Variants in NUP88 observed in about 807,000 individuals in gnomAD.
NUP88 encodes nucleoporin 88.
In NUP88, 57 loss-of-function variants were observed where a neutral mutation model predicts 93.9. The ratio of observed to expected loss-of-function variants is 0.61; its 90% CI spans 0.49 to 0.76. The LOEUF is 0.76. NUP88 is among the 30% of genes least tolerant of loss of function. NUP88 has a pLI of 0.00. For synonymous variants in NUP88, 346 were observed against 336.8 expected, an observed-to-expected ratio of 1.03 and a Z score of -0.30; for missense variants, 911 against 901.0, an observed-to-expected ratio of 1.01 and a Z score of -0.14.
chr17:5,408,780 T>C lies in NUP88; in HGVS notation c.810A>G (p.Leu270=). 6.2e-7 allele frequency: 1 copy of C among 1,613,092 alleles called. No individual in the cohort carries two copies. The part of the protein sequence containing the change: ...DEVVAYPLYI[L]YENGETFLTY... ...TCAGGAAAGTCTCTCCATTTTCATATAAGATGTACAGTGGGTATGCCACTA... is the reference window on the plus strand; with the variant it reads ...TCAGGAAAGTCTCTCCATTTTCATACAAGATGTACAGTGGGTATGCCACTA... The change falls in exon 5 of 17, where the codon TTA becomes TTG. Residue 270 remains leucine, a synonymous_variant. Coordinates refer to ENST00000573584, the MANE Select transcript of NUP88 (RefSeq NM_002532.6).
chr17:5,409,680 G>A (rs1364496273), intron 4 of NUP88, among the ~76,000 whole-genome samples: 6 of 152,114 alleles, frequency 3.9e-5, no homozygotes, highest in Non-Finnish European at 8.8e-5. Flanking sequence ...GCCCTCTAGA[G>A]AGAGAAATAC....
chr17:5,389,531 A>C (rs1912273358), intron 10 of NUP88, among the ~76,000 whole-genome samples: 1 of 152,142 alleles, frequency 6.6e-6, no homozygotes. Flanking sequence ...TAATCCCAGC[A>C]CTTTGGGAGG....
At chr17:5,399,252 G>T (rs1410667798) in intron 8 of NUP88, among the ~76,000 whole-genome samples, 4 of 136,620 alleles carry the variant, frequency 2.9e-5, no homozygotes, top group African/African-American at 1.1e-4. Flanking sequence ...AGTTTTGGTA[G>T]TTTTTTTTTT....
At chr17:5,419,208 G>C in intron 1 of NUP88, 146 bp downstream of exon 1, 2 of 879,516 alleles carry the variant, frequency 2.3e-6, no homozygotes, top group Non-Finnish European at 3.2e-6. Flanking sequence ...GAGAGAGCCT[G>C]AGTCCCCGCG....
At chr17:5,419,033 G>GA (rs750819079) in intron 1 of NUP88, among the ~76,000 whole-genome samples, 5 of 152,290 alleles carry the variant, frequency 3.3e-5, no homozygotes, top group Non-Finnish European at 7.4e-5. Flanking sequence ...GTCACATCAG[G>GA]AAACAGGTTT....
intron 5 of NUP88, among the ~76,000 whole-genome samples, chr17:5,405,470 T>A (rs1485227165): frequency 6.6e-6 from 1 of 152,198 alleles, no homozygotes; most frequent in Non-Finnish European, 1.5e-5. Context: ...TGAAGACATT[T>A]TGGCTTGTCA....
Position 5,405,057 on chromosome 17 carries a change from C to T in NUP88, c.1044G>A (p.Thr348=), listed in dbSNP as rs2301739. Residue 348 remains threonine (T), a splice_region_variant and synonymous_variant, in exon 6 of 17, where the codon ACG becomes ACA. Coordinates refer to ENST00000573584, the MANE Select transcript of NUP88 (RefSeq NM_002532.6). ...VLEGEEEDDH[T]SEKSWDSRID... is the part of the protein sequence containing the mutation. ...AACAACCACAGCAGCCTGCACTTAC[C>T]GTGTGGTCATCTTCTTCTTCCCCTT... 0.21 allele frequency: 338,593 copies of T among 1,612,022 alleles called. 42,165 individuals are homozygous for T. Among genetic ancestry groups the T allele is most frequent in the East Asian group, 0.57 (25,445 of 44,834 alleles).
intron 8 of NUP88, among the ~76,000 whole-genome samples, chr17:5,398,754 A>G (rs1912948253): frequency 6.6e-6 from 1 of 151,268 alleles, no homozygotes; most frequent in African/African-American, 2.4e-5. Context: ...ACACCCAGCT[A>G]ATTTTTGTAT....
chr17:5,404,954 C>T, intron 6 of NUP88, 103 bp downstream of exon 6: 3 of 1,010,974 alleles, frequency 3.0e-6, no homozygotes, highest in South Asian at 1.9e-5. Context: ...TCAGAAGTTC[C>T]ATAAGTAAGT....
rs776562897 is a variant in NUP88 at position 5,386,737 on chromosome 17, T to G, written c.2133A>C (p.Arg711=). The change falls in exon 16 of 17, where the codon CGA becomes CGC. Residue 711 remains arginine (R), a synonymous_variant. Transcript: ENST00000573584. ...CTTTCAGGATGGACTGAATGCACTT[T>G]CGCTGGTAGGCACTGAGAATAATGG... ...KPTIILSAYQ[R]KCIQSILKEE... is the part of the protein sequence containing the mutation. 48 of 1,612,998 alleles carry G rather than the reference T, an allele frequency of 3.0e-5. 1 individual carries two copies. In the Admixed American group the frequency reaches 7.0e-4, roughly 24 times the overall value.
intron 2 of NUP88, among the ~76,000 whole-genome samples, chr17:5,414,803 G>A (rs967765656): frequency 8.8e-5 from 4 of 45,218 alleles, no homozygotes; most frequent in Non-Finnish European, 1.2e-4. Context: ...CCTGTAACCC[G>A]TTACCCGTGA....
chr17:5,394,744 A>G, intron 9 of NUP88, 147 bp downstream of exon 9: 1 of 595,658 alleles, frequency 1.7e-6, no homozygotes, highest in Middle Eastern at 2.6e-4. Flanking sequence ...GATGAGCAGG[A>G]CACTCTTAGG....
intron 2 of NUP88, 24 bp from the exon 3 acceptor site, chr17:5,414,158 C>A: frequency 6.2e-7 from 1 of 1,604,436 alleles, no homozygotes; most frequent in South Asian, 1.1e-5. Context: ...AATAATTTTC[C>A]AAAACATTTT....
At position 5,386,299 on chromosome 17, in the gene NUP88, GA is replaced by G. The variant is rs749725584; in HGVS notation, c.2163-31del. 1.2e-5 allele frequency: 18 copies of G among 1,516,360 alleles called. No homozygotes were observed. The East Asian group carries it at 3.6e-4, about 31-fold the overall frequency. 93.9% of individuals were successfully genotyped at this position (1,516,360 alleles called of 1,614,324 possible). ...AAAATTGTAAAGTCACTCACTTTTG[GA>G]ATTATAATAAACCATTTATATGGAT... On this transcript the variant is annotated intron_variant, in intron 16 of 16. Coordinates refer to ENST00000573584, the MANE Select transcript of NUP88 (RefSeq NM_002532.6).
chr17:5,400,010 G>A (rs545355852), intron 7 of NUP88, among the ~76,000 whole-genome samples: 15 of 151,826 alleles, frequency 9.9e-5, no homozygotes, highest in South Asian at 4.2e-4. Context: ...ATAGTGTTAC[G>A]TCAAAAAATA....
intron 1 of NUP88, among the ~76,000 whole-genome samples, chr17:5,417,098 A>T: frequency 6.6e-6 from 1 of 151,990 alleles, no homozygotes; most frequent in East Asian, 1.9e-4. Context: ...TGGCCTCCTA[A>T]AGTGCTGATT....
Position 5,386,684 on chromosome 17 carries a change from A to G in NUP88, c.2162+24T>C, listed in dbSNP as rs748453493. On this transcript the variant is annotated intron_variant, in intron 16 of 16. Transcript: ENST00000573584. ...AAAGGAAAAACTATCTCACGATAATAGCTGATTGGAAGTATTTACTTACTC... is the reference window on the plus strand; with the variant it reads ...AAAGGAAAAACTATCTCACGATAATGGCTGATTGGAAGTATTTACTTACTC... 6.5e-5 allele frequency: 91 copies of G among 1,401,414 alleles called. No homozygotes were observed. In the Admixed American group the frequency reaches 1.5e-3, roughly 23 times the overall value. The allele number at this position is 1,401,414 out of a possible 1,614,324, so 86.8% of individuals were successfully genotyped here. A position where few individuals can be genotyped will look rare whatever the true frequency, so the allele number is the denominator to read the frequency against.
At chr17:5,413,831 T>A (rs919015449) in intron 3 of NUP88, among the ~76,000 whole-genome samples, 178 bp downstream of exon 3, 1 of 152,192 alleles carries the variant, frequency 6.6e-6, no homozygotes, top group African/African-American at 2.4e-5. Context: ...TGAGAAGGAA[T>A]AGTGGTAAGT....
At position 5,419,392 on chromosome 17, in the gene NUP88, T is replaced by TG. The variant is rs752079268; in HGVS notation, c.258dup (p.Ser87GlnfsTer24). On this transcript the variant is annotated frameshift_variant, in exon 1 of 17. Coordinates refer to ENST00000573584, the MANE Select transcript of NUP88 (RefSeq NM_002532.6). LOFTEE classifies it high-confidence loss of function. ...AGGGCGGGCTCTTCGCCGCCGCCGCTGGGGCCCCGAAGGCGAACGACTAAG... is the reference window on the plus strand; with the variant it reads ...AGGGCGGGCTCTTCGCCGCCGCCGCTGGGGGCCCCGAAGGCGAACGACTAAG... The TG allele has an allele frequency of 1.9e-6, 3 of 1,606,762 alleles. No individual in the cohort carries two copies. Among genetic ancestry groups the TG allele is most frequent in the Non-Finnish European group, 2.5e-6 (3 of 1,176,608 alleles).
Sources: allele counts gnomAD v4.1 joint callset (sites outside exome capture counted in the v4.1 genomes callset), GRCh38; gene constraint gnomAD v4.1.1; transcripts MANE v1.5; gene names NCBI Gene and HGNC (gene_info 2026-07-23, HGNC 2026-07-21).